Variants in USH2A observed in about 807,000 individuals in gnomAD.
The protein encoded by USH2A is usherin.
Under a neutral mutation model 538.9 loss-of-function variants are expected in USH2A, and 443 were observed. That is an observed-to-expected ratio of 0.82 (90% CI 0.76 to 0.89). The LOEUF (loss-of-function observed/expected upper bound fraction) is 0.89. Ranked by LOEUF, USH2A falls within the 40% of genes least tolerant of loss-of-function variation. The pLI is 0.00. For missense variants in USH2A, 6,633 were observed against 6,324.8 expected (o/e 1.05, Z -1.65); for synonymous variants, 2,413 against 2,273.5 (o/e 1.06, Z -1.75).
At chr1:215,798,403 T>G (rs1419209124) in intron 50 of USH2A, among the ~76,000 whole-genome samples, 1 of 152,200 alleles carries the variant, frequency 6.6e-6, no homozygotes, top group Non-Finnish European at 1.5e-5. Flanking sequence ...TTCTTCATTT[T>G]TAAAATGCAG....
intron 3 of USH2A, among the ~76,000 whole-genome samples, chr1:216,401,922 C>T (rs931661189): frequency 6.6e-6 from 1 of 152,000 alleles, no homozygotes; most frequent in African/African-American, 2.4e-5. Context: ...TATAGAATCA[C>T]TCAAGAAAAG....
At chr1:215,672,560 A>G (rs1407706648) in intron 63 of USH2A, among the ~76,000 whole-genome samples, 1 of 152,166 alleles carries the variant, frequency 6.6e-6, no homozygotes, top group Non-Finnish European at 1.5e-5. Flanking sequence ...TTTCCCACAT[A>G]AAGATTATTC....
intron 49 of USH2A, among the ~76,000 whole-genome samples, chr1:215,802,723 A>C (rs1472715219): frequency 6.6e-6 from 1 of 152,154 alleles, no homozygotes; most frequent in Admixed American, 6.6e-5. Context: ...TTAAACATAG[A>C]ATTACCATAT....
intron 11 of USH2A, among the ~76,000 whole-genome samples, chr1:216,274,316 C>T (rs1353701926): frequency 1.3e-5 from 2 of 152,002 alleles, no homozygotes; most frequent in Non-Finnish European, 2.9e-5. Flanking sequence ...TCAGCAATAC[C>T]TTTTTAGAAA....
At chr1:216,010,386 G>A (rs1344912920) in intron 32 of USH2A, among the ~76,000 whole-genome samples, 2 of 152,096 alleles carry the variant, frequency 1.3e-5, no homozygotes, top group Non-Finnish European at 1.5e-5. Context: ...GGACTGTTCA[G>A]CTCACCTGGC....
intron 30 of USH2A, among the ~76,000 whole-genome samples, chr1:216,065,676 C>G (rs1399430119): frequency 2.0e-5 from 3 of 152,180 alleles, no homozygotes; most frequent in Admixed American, 6.5e-5. Flanking sequence ...GCTGGTGGAT[C>G]ACCTGAGGTC....
chr1:215,877,541 C>T (rs1200330999), intron 43 of USH2A, among the ~76,000 whole-genome samples: 1 of 152,084 alleles, frequency 6.6e-6, no homozygotes, highest in Non-Finnish European at 1.5e-5. Context: ...ACAAGTTCAA[C>T]TTCAAAAGGC....
intron 33 of USH2A, among the ~76,000 whole-genome samples, chr1:215,999,927 A>G (rs17584243): frequency 0.026 from 3,957 of 152,290 alleles, 82 homozygotes; most frequent in Non-Finnish European, 0.039. Context: ...TTAGCTCAGC[A>G]CAATAGTACA....
rs34565443 is a variant in USH2A, at chr1:215,741,541, GA to G, written c.11549-5del. ...CTACTGCTAACTCCACAACTTCCTT[GA>G]AAAAAAAAAAATTGAGGTCTTTATT... On this transcript the variant is annotated splice_polypyrimidine_tract_variant and splice_region_variant and intron_variant, in intron 59 of 71. Coordinates refer to ENST00000307340, the MANE Select transcript of USH2A (RefSeq NM_206933.4). The G allele has an allele frequency of 0.016, 18,181 of 1,117,120 alleles. 134 individuals are homozygous for G. The highest frequency in any genetic ancestry group is 0.095 in the Admixed American group (4,120 of 43,410). The allele number at this position is 1,117,120 out of a possible 1,614,324, so 69.2% of individuals were successfully genotyped here.
At chr1:216,362,811 C>T (rs1461817264) in intron 4 of USH2A, among the ~76,000 whole-genome samples, 1 of 151,580 alleles carries the variant, frequency 6.6e-6, no homozygotes, top group Non-Finnish European at 1.5e-5. Context: ...TGGTGGTGCA[C>T]ATCTGTAATC....
chr1:215,994,654 C>G (rs1668092335), intron 34 of USH2A, among the ~76,000 whole-genome samples: 1 of 152,076 alleles, frequency 6.6e-6, no homozygotes. Flanking sequence ...TGGGTTTCCT[C>G]TAATTCTCAG....
At chr1:215,865,250 C>T (rs1301339722) in intron 44 of USH2A, among the ~76,000 whole-genome samples, 2 of 152,124 alleles carry the variant, frequency 1.3e-5, no homozygotes, top group Admixed American at 1.3e-4. Flanking sequence ...AACCTTTGTG[C>T]TCACAAATAG....
At chr1:216,331,699 A>G (rs2037866260) in intron 4 of USH2A, among the ~76,000 whole-genome samples, 1 of 152,162 alleles carries the variant, frequency 6.6e-6, no homozygotes, top group Admixed American at 6.6e-5. Flanking sequence ...ATTTCTATAT[A>G]CTAGTGATTA....
chr1:216,168,810 A>T (rs543154886), intron 21 of USH2A, among the ~76,000 whole-genome samples: 1 of 152,160 alleles, frequency 6.6e-6, no homozygotes, highest in Admixed American at 6.6e-5. Context: ...AAACTGGCTC[A>T]TCTGATCTTG....
chr1:216,394,406 G>C (rs566513074), intron 3 of USH2A, among the ~76,000 whole-genome samples: 5 of 152,048 alleles, frequency 3.3e-5, no homozygotes, highest in African/African-American at 1.2e-4. Flanking sequence ...GTAGCACAAA[G>C]GAATATTCTG....
chr1:216,160,358 A>T (rs2034032471), intron 21 of USH2A, among the ~76,000 whole-genome samples: 1 of 152,116 alleles, frequency 6.6e-6, no homozygotes, highest in Non-Finnish European at 1.5e-5. Context: ...TTATCATTAG[A>T]TAAAAATAAT....
At chr1:215,939,521 GAGATGA>G (rs1427522765) in intron 37 of USH2A, among the ~76,000 whole-genome samples, 1 of 149,746 alleles carries the variant, frequency 6.7e-6, no homozygotes, top group Non-Finnish European at 1.5e-5. Flanking sequence ...CCCCTTTTCT[GAGATGA>G]AAATCTTATT....
chr1:216,249,402 G>T (rs886403457), intron 12 of USH2A, among the ~76,000 whole-genome samples: 2 of 152,022 alleles, frequency 1.3e-5, no homozygotes, highest in African/African-American at 4.8e-5. Context: ...TTGATACAAA[G>T]AAGTAATTAT....
At chr1:215,680,036 G>T in intron 62 of USH2A, 113 bp downstream of exon 62, 1 of 1,054,668 alleles carries the variant, frequency 9.5e-7, no homozygotes. Flanking sequence ...CTATCAAGGA[G>T]AATTAAACAG....
Sources: gnomAD v4.1 joint callset for allele counts (sites outside exome capture counted in the v4.1 genomes callset) on GRCh38, gnomAD v4.1.1 for gene constraint, MANE v1.5 for transcripts, NCBI Gene and HGNC (gene_info 2026-07-23, HGNC 2026-07-21) for gene names.